The following OSR1 variants were observed in gnomAD, a reference collection of about 807,000 sequenced individuals.
OSR1 encodes odd-skipped related transcription factor 1.
OSR1 carries 3 observed loss-of-function variants against 15.7 expected under a neutral mutation model. That is an observed-to-expected ratio of 0.19 (90% CI 0.09 to 0.50). The LOEUF is 0.50. Ranked by LOEUF, OSR1 falls within the 20% of genes least tolerant of loss-of-function variation. The pLI, the probability that OSR1 is intolerant of heterozygous loss-of-function variation, is 0.97. For synonymous variants in OSR1, 166 were observed against 152.7 expected (o/e 1.09, Z -0.64); for missense variants, 271 against 351.1 (o/e 0.77, Z 1.82).
In OSR1 at chr2:19,357,945, A is replaced by G. The variant is rs45540336; in HGVS notation, c.-33+396T>C. On this transcript the variant is annotated intron_variant, in intron 1 of 2. Coordinates refer to ENST00000272223, the MANE Select transcript of OSR1 (RefSeq NM_145260.3). This position sits in a 1 kb window ranked among gnomAD's most constrained non-coding sequence, Gnocchi z 5.0. Reference sequence around the variant, plus strand: ...CTCCCTCTCCCTTCCTTCTTCGTCAACCTGGGCGTCAGCCAGAGCTAGGAG... The same window carrying G: ...CTCCCTCTCCCTTCCTTCTTCGTCAGCCTGGGCGTCAGCCAGAGCTAGGAG... The G allele has an allele frequency of 0.089, 13,509 of 152,294 alleles. 1,051 individuals are homozygous for G. Among genetic ancestry groups the G allele is most frequent in the African/African-American group, 0.2 (8,471 of 41,516 alleles). The allele number at this position is 152,294 out of a possible 1,614,324, so 9.4% of individuals were successfully genotyped here.
downstream of OSR1, among the ~76,000 whole-genome samples, chr2:19,350,793 C>T (rs1664823426): frequency 6.6e-6 from 1 of 152,202 alleles, no homozygotes. Context: ...TCCCGGGCCT[C>T]CCAGGGCGCC....
Position 19,353,554 on chromosome 2 carries a change from G to A in OSR1, c.252C>T (p.Phe84=). ...GGAACCAGGGAAAGGCGGGCAGCTG[G>A]AAGCGCGCATCCACCAAGCTGGACA... is the stretch of plus-strand genomic sequence containing the variant. ...GTVSSLVDAR[F]QLPAFPWFPH... The change falls in exon 2 of 3, where the codon TTC becomes TTT. Residue 84 remains phenylalanine, a synonymous_variant. Coordinates refer to ENST00000272223, the MANE Select transcript of OSR1 (RefSeq NM_145260.3). 2 of 1,614,250 alleles carry A rather than the reference G, an allele frequency of 1.2e-6. No homozygotes were observed. The highest frequency in any genetic ancestry group is 1.7e-6 in the Non-Finnish European group (2 of 1,180,040).
At chr2:19,350,237 A>T (rs1378870764), downstream of OSR1, among the ~76,000 whole-genome samples, 2 of 151,878 alleles carry the variant, frequency 1.3e-5, no homozygotes, top group East Asian at 3.9e-4. Context: ...TGCGGGCAAG[A>T]CCCCTTGAGG....
rs1458883458 is a variant in OSR1 at position 19,353,776 on chromosome 2, C to T, written c.30G>A (p.Val10=). The change falls in exon 2 of 3, where the codon GTG becomes GTA. Residue 10 remains valine, a synonymous_variant. Transcript: ENST00000272223. ...TGAGCTGCAGGGAAGGGTGGATAGGCACCGGCGCCGGCAAGGTTTTGCTGC... is the reference window on the plus strand; with the variant it reads ...TGAGCTGCAGGGAAGGGTGGATAGGTACCGGCGCCGGCAAGGTTTTGCTGC... MGSKTLPAP[V]PIHPSLQLTN... 15 of 1,612,098 alleles carry T rather than the reference C, an allele frequency of 9.3e-6. No individual in the cohort carries two copies. Among genetic ancestry groups the T allele is most frequent in the Non-Finnish European group, 1.2e-5 (14 of 1,178,692 alleles).
chr2:19,357,305 T>C lies in OSR1; in HGVS notation c.-33+1036A>G, dbSNP rs1318584688. 6.6e-6 allele frequency among the ~76,000 whole-genome samples: 1 copy of C among 152,216 alleles called. No individual in the cohort carries two copies. The highest frequency in any genetic ancestry group is 1.5e-5 in the Non-Finnish European group (1 of 68,040). ...GGACACCTAGCCTTGCACGTGGTTT[T>C]GTTCCGCAGAGCCAATGCGCAGCTC... is the stretch of plus-strand genomic sequence containing the variant. On this transcript the variant is annotated intron_variant, in intron 1 of 2. Coordinates refer to ENST00000272223, the MANE Select transcript of OSR1 (RefSeq NM_145260.3). This position sits in a 1 kb window ranked among gnomAD's most constrained non-coding sequence, Gnocchi z 5.0.
chr2:19,350,367 G>C (rs1157809081), downstream of OSR1, among the ~76,000 whole-genome samples: 2 of 152,160 alleles, frequency 1.3e-5, no homozygotes, highest in African/African-American at 4.8e-5. Flanking sequence ...TTGGGTTCCC[G>C]GGCCTCGAAG....
chr2:19,346,344 CA>C, the OSR1 span, among the ~76,000 whole-genome samples: 2 of 151,778 alleles, frequency 1.3e-5, no homozygotes, highest in Non-Finnish European at 2.9e-5. Flanking sequence ...GAAAAATGAC[CA>C]AAAAAAATGG....
downstream of OSR1, among the ~76,000 whole-genome samples, chr2:19,350,855 T>TGCA (rs1311872072): frequency 2.0e-5 from 3 of 152,020 alleles, no homozygotes; most frequent in Admixed American, 1.3e-4. Flanking sequence ...TCTTCGCGGG[T>TGCA]GCAGAGCCTC....
chr2:19,350,554 G>A (rs1198824025), downstream of OSR1, among the ~76,000 whole-genome samples: 1 of 152,144 alleles, frequency 6.6e-6, no homozygotes, highest in Non-Finnish European at 1.5e-5. Flanking sequence ...TGTCATCCGC[G>A]GCCGCCGCGC....
chr2:19,353,944 G>A, intron 1 of OSR1, 107 bp from the exon 2 acceptor site: 2 of 922,324 alleles, frequency 2.2e-6, no homozygotes, highest in Non-Finnish European at 3.2e-6. Context: ...CTCACACCCA[G>A]CGCAGGAGCT....
downstream of OSR1, chr2:19,346,875 T>C (rs1664738600): frequency 6.6e-6 from 1 of 152,280 alleles, no homozygotes; most frequent in Non-Finnish European, 1.5e-5. Flanking sequence ...CATACGTACA[T>C]AGGCTCCTTC....
chr2:19,357,440 C>T lies in OSR1; in HGVS notation c.-33+901G>A, dbSNP rs1447991858. Among the ~76,000 whole-genome samples, 1 of 152,224 alleles carries T rather than the reference C, an allele frequency of 6.6e-6. No homozygotes were observed. The highest frequency in any genetic ancestry group is 1.5e-5 in the Non-Finnish European group (1 of 68,040). On this transcript the variant is annotated intron_variant, in intron 1 of 2. Transcript: ENST00000272223. This position sits in a 1 kb window ranked among gnomAD's most constrained non-coding sequence, Gnocchi z 5.0. ...CCTGAGCTGCTGAAAAAGGACTAAA[C>T]GTGGTTTTTCATTCTTCTCCGAGAC... is the stretch of plus-strand genomic sequence containing the variant.
chr2:19,348,404 C>G (rs570212539), downstream of OSR1: 1 of 154,344 alleles, frequency 6.5e-6, no homozygotes, highest in Non-Finnish European at 1.5e-5. Context: ...TGGAATGCCT[C>G]TGTGGACCTC....
downstream of OSR1, among the ~76,000 whole-genome samples, chr2:19,351,032 G>T (rs71435516): frequency 9.3e-4 from 141 of 152,278 alleles, no homozygotes; most frequent in Non-Finnish European, 1.8e-3. Context: ...GCTCTGTGAG[G>T]GCGGGTCCTT....
chr2:19,351,589 C>T lies in OSR1; in HGVS notation c.*686G>A, dbSNP rs957791414. On this transcript the variant is annotated 3_prime_UTR_variant, in exon 3 of 3. Transcript: ENST00000272223. ...ATAAAGTGCCAATCGCAATATAACG[C>T]CCGGCTCTTGGCTGGCTGCTCCCTC... 4 of 152,700 alleles carry T rather than the reference C, an allele frequency of 2.6e-5. No individual in the cohort carries two copies. The highest frequency in any genetic ancestry group is 2.0e-4 in the Admixed American group (3 of 15,294). 9.5% of individuals were successfully genotyped at this position (152,700 alleles called of 1,614,324 possible). A position where few individuals can be genotyped will look rare whatever the true frequency, so the allele number is the denominator to read the frequency against.
chr2:19,353,237 A>C lies in OSR1; in HGVS notation c.569T>G (p.Leu190Arg), dbSNP rs752250481. The C allele has an allele frequency of 5.6e-6, 9 of 1,614,046 alleles. No homozygotes were observed. The highest frequency in any genetic ancestry group is 7.6e-6 in the Non-Finnish European group (9 of 1,180,038). Residue 190 changes from leucine to arginine, a missense_variant, in exon 2 of 3, where the codon CTA becomes CGA. Physicochemically the swap from Leu to Arg is moderately radical, Grantham distance 102. This residue lies in a region of OSR1 where 32 missense variants were observed against 66.8 expected (regional missense o/e 0.48). Coordinates refer to ENST00000272223, the MANE Select transcript of OSR1 (RefSeq NM_145260.3). ...GGTGTGCGTCCGCTCATGGATAAGT[A>C]GGTTGTAGGACTTGGTGAAGTGGCG... ...CGRHFTKSYN[L>R]LIHERTHTDE...
chr2:19,357,009 A>G lies in OSR1; in HGVS notation c.-33+1332T>C, dbSNP rs1254446943. The G allele has an allele frequency of 6.6e-6, 1 of 152,184 alleles. No individual in the cohort carries two copies. The highest frequency in any genetic ancestry group is 1.5e-5 in the Non-Finnish European group (1 of 68,028). The allele number at this position is 152,184 out of a possible 1,614,324, so 9.4% of individuals were successfully genotyped here. On this transcript the variant is annotated intron_variant, in intron 1 of 2. Transcript: ENST00000272223. This position sits in a 1 kb window ranked among gnomAD's most constrained non-coding sequence, Gnocchi z 5.0. ...AATCAGCCTTGACATCGAATCTCCA[A>G]CGAGTGGTGACAGGCGTCCGGACCC...
At position 19,357,225 on chromosome 2, in the gene OSR1, C is replaced by T. The variant is rs1664967656; in HGVS notation, c.-33+1116G>A. Reference sequence around the variant, plus strand: ...CCTGGGATGGAACATCTACACGCCGCCGGTCGCTGCTAGTCCCCTCCAGCG... The same window carrying T: ...CCTGGGATGGAACATCTACACGCCGTCGGTCGCTGCTAGTCCCCTCCAGCG... On this transcript the variant is annotated intron_variant, in intron 1 of 2. Transcript: ENST00000272223. The surrounding 1 kb of genome is among the most constrained non-coding windows in gnomAD (Gnocchi z 5.0). 6.6e-6 allele frequency among the ~76,000 whole-genome samples: 1 copy of T among 152,190 alleles called. No homozygotes were observed. The highest frequency in any genetic ancestry group is 2.4e-5 in the African/African-American group (1 of 41,450).
chr2:19,351,264 C>T (rs1469425728), downstream of OSR1, among the ~76,000 whole-genome samples: 1 of 152,090 alleles, frequency 6.6e-6, no homozygotes, highest in East Asian at 1.9e-4. Flanking sequence ...AGACCCTATC[C>T]CTGAGGCGGA....
Sources: gnomAD v4.1 joint callset for allele counts (sites outside exome capture counted in the v4.1 genomes callset) on GRCh38, gnomAD v4.1.1 for gene constraint, gnomAD v4.1.1 regional missense constraint, Gnocchi (gnomAD v3.1) non-coding constraint, MANE v1.5 for transcripts, NCBI Gene and HGNC (gene_info 2026-07-23, HGNC 2026-07-21) for gene names.